CILK1: variants seen among roughly 807,000 people sequenced by gnomAD.
CILK1 encodes serine/threonine-protein kinase ICK.
Under a neutral mutation model 79.2 loss-of-function variants are expected in CILK1, and 47 were observed. That is an observed-to-expected ratio of 0.59 (90% CI 0.47 to 0.76). CILK1 has a LOEUF of 0.76. Ranked by LOEUF, CILK1 falls within the 30% of genes least tolerant of loss-of-function variation. CILK1 has a pLI of 0.00. For missense variants in CILK1, 660 were observed against 769.5 expected (o/e 0.86, Z 1.68); for synonymous variants, 266 against 275.9 (o/e 0.96, Z 0.36).
intron 13 of CILK1, 32 bp downstream of exon 13, chr6:53,006,283 T>G (rs1764214746): frequency 6.2e-7 from 1 of 1,607,838 alleles, no homozygotes; most frequent in Non-Finnish European, 8.5e-7. Context: ...ATTTGTTGAG[T>G]AAATTCATGA....
intron 5 of CILK1, among the ~76,000 whole-genome samples, chr6:53,024,198 G>C (rs1765425382): frequency 6.6e-6 from 1 of 152,096 alleles, no homozygotes; most frequent in Non-Finnish European, 1.5e-5. Flanking sequence ...CACACCTAAT[G>C]GCCTTCCTCA....
At chr6:53,032,745 GAAAC>G in intron 3 of CILK1, 91 bp from the exon 4 acceptor site, 1 of 1,049,810 alleles carries the variant, frequency 9.5e-7, no homozygotes, top group Non-Finnish European at 1.4e-6. Flanking sequence ...TACTTGGAAA[GAAAC>G]AACTAATTTT....
rs374825741 is a variant in CILK1, at chr6:53,005,186, C to T, written c.1862G>A (p.Arg621Gln). 1.7e-5 allele frequency: 28 copies of T among 1,614,172 alleles called. No individual in the cohort carries two copies. In the Admixed American group the frequency reaches 2.2e-4, roughly 12 times the overall value. The change falls in exon 14 of 14, where the codon CGG becomes CAG. Residue 621 changes from arginine to glutamine, a missense_variant. Physicochemically the swap from Arg to Gln is conservative, Grantham distance 43. Transcript: ENST00000676107. The stretch of plus-strand genomic sequence containing the variant: ...TGCGTACTTGGAAGCCCAGTCTGTC[C>T]GGCCATGCACTGGCTGGGCGGCTGG... The part of the protein sequence containing the change: ...RPPAAQPVHG[R>Q]TDWASKYASR...
At chr6:53,019,185 A>G (rs1164413484) in intron 6 of CILK1, 42 bp downstream of exon 6, 10 of 1,559,662 alleles carry the variant, frequency 6.4e-6, no homozygotes, top group Non-Finnish European at 8.8e-6. Context: ...ATATCTTTTT[A>G]AAGAAGTGCA....
intron 1 of CILK1, among the ~76,000 whole-genome samples, chr6:53,043,032 T>C (rs1766814787): frequency 6.6e-6 from 1 of 152,130 alleles, no homozygotes. Context: ...AATTTAAAAA[T>C]AGGCCAGGCG....
chr6:53,008,303 A>G (rs942999673), intron 12 of CILK1, among the ~76,000 whole-genome samples: 1 of 152,084 alleles, frequency 6.6e-6, no homozygotes, highest in Non-Finnish European at 1.5e-5. Flanking sequence ...CTGCAAAACC[A>G]CACTATGAAG....
intron 2 of CILK1, among the ~76,000 whole-genome samples, chr6:53,039,842 G>A (rs1562034213): frequency 6.6e-6 from 1 of 152,164 alleles, no homozygotes. Flanking sequence ...TCATGGTGGA[G>A]GTGGCAAATG....
intron 5 of CILK1, among the ~76,000 whole-genome samples, chr6:53,025,865 T>A (rs556666032): frequency 6.6e-5 from 10 of 152,342 alleles, no homozygotes; most frequent in Admixed American, 5.2e-4. Flanking sequence ...ATGAGATCTA[T>A]TCCTGGTAAT....
In CILK1 at chr6:53,041,224, T is replaced by C; in HGVS notation, c.13A>G (p.Thr5Ala). The change falls in exon 2 of 14, where the codon ACA becomes GCA. Residue 5 changes from threonine (T) to alanine (A), a missense_variant. Transcript: ENST00000676107. ...CCATCCCCGAGCTGCCTGATTGTTG[T>C]GTATCTATTCATGGTGTGCCTGCTC... MNRY[T>A]TIRQLGDGTY... 1 of 1,613,330 alleles carries C rather than the reference T, an allele frequency of 6.2e-7. No homozygotes were observed. The highest frequency in any genetic ancestry group is 2.2e-5 in the East Asian group (1 of 44,876).
At chr6:53,033,546 T>G (rs1222592614) in intron 3 of CILK1, among the ~76,000 whole-genome samples, 1 of 20,400 alleles carries the variant, frequency 4.9e-5, no homozygotes, top group Non-Finnish European at 8.4e-5. Context: ...AATCAGAATC[T>G]GATAAGACTG....
intron 5 of CILK1, among the ~76,000 whole-genome samples, chr6:53,027,937 G>GGAGATC (rs1348621758): frequency 6.6e-6 from 1 of 152,110 alleles, no homozygotes; most frequent in African/African-American, 2.4e-5. Context: ...CACGAGGTCA[G>GGAGATC]GAGATCGAGA....
At chr6:53,016,319 G>A (rs1764893968) in intron 7 of CILK1, 69 bp from the exon 8 acceptor site, 1 of 1,525,572 alleles carries the variant, frequency 6.6e-7, no homozygotes, top group South Asian at 1.1e-5. Flanking sequence ...ATTCTGGCAT[G>A]TGTGCCCCAA....
intron 9 of CILK1, among the ~76,000 whole-genome samples, chr6:53,012,468 A>G (rs566997510): frequency 6.6e-6 from 1 of 152,288 alleles, no homozygotes; most frequent in South Asian, 2.1e-4. Context: ...AGGATAAAAA[A>G]ATTTTTAAGA....
chr6:53,048,472 C>T (rs1437587631), intron 1 of CILK1, among the ~76,000 whole-genome samples: 4 of 152,134 alleles, frequency 2.6e-5, no homozygotes, highest in African/African-American at 9.7e-5. Flanking sequence ...AGACAAGAAG[C>T]ACCAGTCAGC....
At chr6:53,057,663 T>A (rs897472341) in intron 1 of CILK1, 3 of 152,224 alleles carry the variant, frequency 2.0e-5, no homozygotes, top group African/African-American at 7.2e-5. Flanking sequence ...TTAGGAACTA[T>A]GTTCAAAGCC....
chr6:53,015,847 T>C (rs1764858267), intron 8 of CILK1, among the ~76,000 whole-genome samples: 1 of 152,254 alleles, frequency 6.6e-6, no homozygotes, highest in Non-Finnish European at 1.5e-5. Flanking sequence ...TAAATGGTGA[T>C]ATATCATGTG....
intron 3 of CILK1, among the ~76,000 whole-genome samples, chr6:53,033,579 G>A (rs1051919677): frequency 6.6e-6 from 1 of 152,108 alleles, no homozygotes; most frequent in African/African-American, 2.4e-5. Context: ...AAGCCTCCAA[G>A]TGTCACTTTG....
At position 53,005,967 on chromosome 6, in the gene CILK1, C is replaced by G. The variant is rs116181610; in HGVS notation, c.1744+348G>C. ...CAGAACAATCTCCTGTCTGGAAAAG[C>G]CTCACTCATACTGTATGCTTGCTCA... On this transcript the variant is annotated intron_variant, in intron 13 of 13. Transcript: ENST00000676107. 4.3e-3 allele frequency among the ~76,000 whole-genome samples: 651 copies of G among 152,264 alleles called. 3 individuals are homozygous for G. The highest frequency in any genetic ancestry group is 0.015 in the African/African-American group (628 of 41,534).
intron 1 of CILK1, among the ~76,000 whole-genome samples, chr6:53,054,257 G>A (rs1253104557): frequency 6.6e-6 from 1 of 152,050 alleles, no homozygotes. Context: ...ATGCCATAGT[G>A]CCTTGTCCTC....
Sources: allele counts gnomAD v4.1 joint callset (sites outside exome capture counted in the v4.1 genomes callset), GRCh38; gene constraint gnomAD v4.1.1; transcripts MANE v1.5; gene names NCBI Gene and HGNC (gene_info 2026-07-23, HGNC 2026-07-21).